The following CAMTA1 variants were observed in gnomAD, a reference collection of about 807,000 sequenced individuals.
CAMTA1 encodes calmodulin-binding transcription activator 1.
CAMTA1 carries 27 observed loss-of-function variants against 170.9 expected under a neutral mutation model. The observed-to-expected ratio is 0.16, with a 90% CI of 0.12 to 0.22. The LOEUF (loss-of-function observed/expected upper bound fraction) is 0.22. CAMTA1 is among the 10% of genes least tolerant of loss of function. The probability of loss-of-function intolerance (pLI) is 1.00; values close to 1 mark genes in which losing one functional copy is unlikely to be tolerated. For synonymous variants in CAMTA1, 833 were observed against 891.5 expected (o/e 0.93, Z 1.17); for missense variants, 1,619 against 2,217.2 (o/e 0.73, Z 5.42).
intron 4 of CAMTA1, among the ~76,000 whole-genome samples, chr1:7,243,188 T>C (rs1665194191): frequency 6.6e-6 from 1 of 152,212 alleles, no homozygotes; most frequent in Non-Finnish European, 1.5e-5. Flanking sequence ...CCCTATGCCT[T>C]GGTCTTCTTT....
At chr1:6,892,326 G>C (rs2149142772) in intron 3 of CAMTA1, among the ~76,000 whole-genome samples, 1 of 152,308 alleles carries the variant, frequency 6.6e-6, no homozygotes, top group African/African-American at 2.4e-5. Flanking sequence ...AGCACCATCA[G>C]CAGGCTCTGG....
chr1:7,723,281 G>T (rs1410897522), intron 11 of CAMTA1, among the ~76,000 whole-genome samples: 1 of 152,132 alleles, frequency 6.6e-6, no homozygotes, highest in African/African-American at 2.4e-5. Flanking sequence ...AAGGATGAGG[G>T]CACGTCAGAG....
chr1:7,508,355 T>TG (rs1191225988), intron 6 of CAMTA1, among the ~76,000 whole-genome samples: 1 of 152,170 alleles, frequency 6.6e-6, no homozygotes, highest in African/African-American at 2.4e-5. Context: ...AGCTGGGACG[T>TG]GGGGCTGGTG....
chr1:7,001,897 C>CTTCTTCT lies in CAMTA1; in HGVS notation c.235-89405_235-89404insCTTCTTT, dbSNP rs777475717. 2.0e-3 allele frequency among the ~76,000 whole-genome samples: 281 copies of CTTCTTCT among 137,424 alleles called. 2 individuals carry two copies. The highest frequency in any genetic ancestry group is 7.5e-3 in the African/African-American group (269 of 36,074). The allele number at this position is 137,424 out of a possible 152,430, so 90.2% of individuals were successfully genotyped here. Reference sequence around the variant, plus strand: ...TTCTTTCTTTCTTCTTCTTCTTCTTCTTTTTTTTTTTTTTTTTGAGACGGA... The same window carrying CTTCTTCT: ...TTCTTTCTTTCTTCTTCTTCTTCTTCTTCTTCTTTTTTTTTTTTTTTTTTGAGACGGA... On this transcript the variant is annotated intron_variant, in intron 3 of 22. Coordinates refer to ENST00000303635, the MANE Select transcript of CAMTA1 (RefSeq NM_015215.4).
chr1:7,410,959 CTGTGTGTGTA>C lies in CAMTA1; in HGVS notation c.439-56859_439-56850del, dbSNP rs374751247. Among the ~76,000 whole-genome samples the C allele has an allele frequency of 2.9e-3, 430 of 149,860 alleles. 2 individuals are homozygous for C. The highest frequency in any genetic ancestry group is 0.01 in the Middle Eastern group (3 of 294). On this transcript the variant is annotated intron_variant, in intron 5 of 22. Transcript: ENST00000303635. ...TGTATGTGTGTATATGTGTGTATGT[CTGTGTGTGTA>C]TGTGTGTGTATATGTGTTTGTGTAT...
At chr1:7,129,086 C>T (rs1339488097) in intron 4 of CAMTA1, among the ~76,000 whole-genome samples, 1 of 152,060 alleles carries the variant, frequency 6.6e-6, no homozygotes, top group African/African-American at 2.4e-5. Flanking sequence ...GATCCACCCA[C>T]CTCGGCTTCC....
At chr1:7,101,956 T>C (rs1403534334) in intron 4 of CAMTA1, among the ~76,000 whole-genome samples, 1 of 151,414 alleles carries the variant, frequency 6.6e-6, no homozygotes, top group Non-Finnish European at 1.5e-5. Context: ...ATTCAACACA[T>C]AATGCATGCA....
intron 5 of CAMTA1, among the ~76,000 whole-genome samples, chr1:7,418,535 G>C (rs1395169825): frequency 6.6e-6 from 1 of 152,140 alleles, no homozygotes; most frequent in Non-Finnish European, 1.5e-5. Flanking sequence ...TTGTCCCCAG[G>C]ACCTGAAAGG....
chr1:7,284,177 C>CTTA (rs537622620), intron 5 of CAMTA1, among the ~76,000 whole-genome samples: 1,512 of 99,206 alleles, frequency 0.015, 25 homozygotes, highest in Middle Eastern at 0.026. Flanking sequence ...TCTTCTTCTT[C>CTTA]TTATTATTAT....
intron 7 of CAMTA1, among the ~76,000 whole-genome samples, chr1:7,647,227 G>A (rs4908660): frequency 0.74 from 112,069 of 151,230 alleles, 42,087 homozygotes; most frequent in African/African-American, 0.86. Context: ...TGTATGTTCA[G>A]TGCGCCTTTT....
intron 3 of CAMTA1, among the ~76,000 whole-genome samples, chr1:7,068,380 G>A (rs144033713): frequency 1.1e-4 from 17 of 151,892 alleles, no homozygotes; most frequent in African/African-American, 3.4e-4. Flanking sequence ...ATCAATAAAC[G>A]CTTATTGAGT....
rs2096220405 is a variant in CAMTA1, at chr1:7,682,717, G to A, written c.2914+4984G>A. 6.6e-6 allele frequency among the ~76,000 whole-genome samples: 1 copy of A among 152,230 alleles called. No individual in the cohort carries two copies. Among genetic ancestry groups the A allele is most frequent in the Admixed American group, 6.5e-5 (1 of 15,292 alleles). The stretch of plus-strand genomic sequence containing the variant: ...ACTGGTCCCTGGGAGGCCTCTGGGT[G>A]CTTCTTCCTCCAATGGCAACACTCC... On this transcript the variant is annotated intron_variant, in intron 11 of 22. Coordinates refer to ENST00000303635, the MANE Select transcript of CAMTA1 (RefSeq NM_015215.4). The surrounding 1 kb of genome is among the most constrained non-coding windows in gnomAD (Gnocchi z 5.0).
At chr1:7,668,423 A>ACACACACACACC (rs2096021525) in intron 9 of CAMTA1, among the ~76,000 whole-genome samples, 1 of 141,824 alleles carries the variant, frequency 7.1e-6, no homozygotes, top group African/African-American at 3.0e-5. Context: ...ACACACACAC[A>ACACACACACACC]CACACACACC....
intron 5 of CAMTA1, among the ~76,000 whole-genome samples, chr1:7,305,268 C>T (rs1486557725): frequency 6.6e-6 from 1 of 152,052 alleles, no homozygotes; most frequent in African/African-American, 2.4e-5. Context: ...TTTTCTAATA[C>T]ATTTTCATAT....
intron 5 of CAMTA1, among the ~76,000 whole-genome samples, chr1:7,330,546 A>G (rs934212778): frequency 2.0e-5 from 3 of 152,106 alleles, no homozygotes; most frequent in African/African-American, 7.2e-5. Flanking sequence ...CCATGGGTGA[A>G]CCCCAACAGG....
chr1:6,857,127 A>G (rs200972458), intron 3 of CAMTA1, among the ~76,000 whole-genome samples: 1 of 152,130 alleles, frequency 6.6e-6, no homozygotes, highest in Admixed American at 6.5e-5. Context: ...GGAGGCAAGA[A>G]TGGAAGTTGA....
At chr1:7,481,917 G>A (rs1172729810) in intron 6 of CAMTA1, among the ~76,000 whole-genome samples, 3 of 151,388 alleles carry the variant, frequency 2.0e-5, no homozygotes, top group African/African-American at 7.3e-5. Flanking sequence ...CATACCCTAA[G>A]CCCACATCAA....
At chr1:7,496,294 A>G (rs1037877674) in intron 6 of CAMTA1, among the ~76,000 whole-genome samples, 2 of 152,176 alleles carry the variant, frequency 1.3e-5, no homozygotes, top group Admixed American at 1.3e-4. Context: ...AGATGGCTCT[A>G]TGTGGGGCAC....
intron 3 of CAMTA1, among the ~76,000 whole-genome samples, chr1:7,085,309 C>T (rs1640595206): frequency 6.6e-6 from 1 of 152,176 alleles, no homozygotes; most frequent in African/African-American, 2.4e-5. Context: ...GCAACTGGAC[C>T]TTTGTGCATG....
Sources: gnomAD v4.1 joint callset for allele counts (sites outside exome capture counted in the v4.1 genomes callset) on GRCh38, gnomAD v4.1.1 for gene constraint, Gnocchi (gnomAD v3.1) non-coding constraint, MANE v1.5 for transcripts, NCBI Gene and HGNC (gene_info 2026-07-23, HGNC 2026-07-21) for gene names.